Variants in TEKT5 observed in about 807,000 individuals in gnomAD.
The protein encoded by TEKT5 is tektin-5.
A neutral mutation model predicts 48.7 loss-of-function variants in TEKT5; 52 were observed. The observed-to-expected ratio is 1.07, with a 90% CI of 0.86 to 1.35. The LOEUF (loss-of-function observed/expected upper bound fraction) is 1.35. TEKT5 is among the 40% of genes most tolerant of loss of function. The pLI, the probability that TEKT5 is intolerant of heterozygous loss-of-function variation, is 0.00. For missense variants in TEKT5, 831 were observed against 641.6 expected (o/e 1.30, Z -3.19); for synonymous variants, 318 against 267.6 (o/e 1.19, Z -1.84).
At chr16:10,690,130 G>C (rs1220905402) in intron 1 of TEKT5, 105 bp from the exon 2 acceptor site, 2 of 1,247,582 alleles carry the variant, frequency 1.6e-6, no homozygotes, top group African/African-American at 3.0e-5. Flanking sequence ...CTTTCTCCCG[G>C]AAACCTGGGT....
intron 3 of TEKT5, among the ~76,000 whole-genome samples, chr16:10,687,646 G>A (rs1363796795): frequency 6.6e-6 from 1 of 152,196 alleles, no homozygotes; most frequent in Non-Finnish European, 1.5e-5. Flanking sequence ...CCAGCTACTC[G>A]GGAGGCTGAG....
intron 3 of TEKT5, among the ~76,000 whole-genome samples, chr16:10,683,208 G>A (rs1187666619): frequency 1.3e-5 from 2 of 152,090 alleles, no homozygotes; most frequent in East Asian, 1.9e-4. Context: ...ATTCCAAGCC[G>A]ACAACATCAC....
chr16:10,653,913 CAAAACA>C (rs200359471), intron 5 of TEKT5, among the ~76,000 whole-genome samples: 25 of 151,972 alleles, frequency 1.6e-4, no homozygotes, highest in Admixed American at 2.0e-4. Context: ...AACTCTGTCT[CAAAACA>C]AAAACAAAAA....
chr16:10,658,182 T>C (rs755748404), intron 5 of TEKT5, among the ~76,000 whole-genome samples: 1 of 152,182 alleles, frequency 6.6e-6, no homozygotes, highest in Non-Finnish European at 1.5e-5. Flanking sequence ...AAGTCAATAT[T>C]TGTCAACCTC....
intron 4 of TEKT5, among the ~76,000 whole-genome samples, chr16:10,680,891 G>A (rs956320282): frequency 1.3e-5 from 2 of 149,500 alleles, no homozygotes; most frequent in African/African-American, 2.5e-5. Flanking sequence ...GATAGCATTA[G>A]GAGATATACC....
intron 5 of TEKT5, among the ~76,000 whole-genome samples, chr16:10,663,820 G>A (rs1357318250): frequency 6.6e-6 from 1 of 152,182 alleles, no homozygotes; most frequent in Non-Finnish European, 1.5e-5. Flanking sequence ...TGCCAGTGGG[G>A]TGCAAATTCA....
chr16:10,685,560 G>T (rs147827033), intron 3 of TEKT5, among the ~76,000 whole-genome samples: 170 of 152,224 alleles, frequency 1.1e-3, no homozygotes, highest in African/African-American at 3.8e-3. Context: ...GCCTCCCAAA[G>T]TGCTGGGATT....
rs556562067 is a variant in TEKT5, at chr16:10,657,420, G to A, written c.1086+18539C>T. On this transcript the variant is annotated intron_variant, in intron 5 of 6. Transcript: ENST00000283025. The stretch of plus-strand genomic sequence containing the variant: ...TAGGATTACAGGCATGAGCCACCAT[G>A]CCCGGCCTAGAGCTGCTTTTAAACA... 1.3e-5 allele frequency among the ~76,000 whole-genome samples: 2 copies of A among 152,090 alleles called. 1 individual carries two copies. The highest frequency in any genetic ancestry group is 4.1e-4 in the South Asian group (2 of 4,828).
At chr16:10,630,471 G>C (rs1897823652) in intron 6 of TEKT5, among the ~76,000 whole-genome samples, 1 of 152,178 alleles carries the variant, frequency 6.6e-6, no homozygotes, top group Non-Finnish European at 1.5e-5. Flanking sequence ...AAACTCCTGG[G>C]CTTAAGTGAT....
In TEKT5 at chr16:10,694,568, C is replaced by T. The variant is rs766520945; in HGVS notation, c.306G>A (p.Val102=). The T allele has an allele frequency of 4.4e-6, 7 of 1,602,754 alleles. No individual in the cohort carries two copies. In the Admixed American group the frequency reaches 6.8e-5, roughly 16 times the overall value. ...HDWDQSNQLQ[V]RGAEASRLWA... ...ACAGCCGGGAGGCCTCGGCCCCACG[C>T]ACCTGCAGCTGGTTGGACTGGTCCC... Residue 102 remains valine, a synonymous_variant, in exon 1 of 7, where the codon GTG becomes GTA. Transcript: ENST00000283025.
At chr16:10,690,538 T>C (rs1246789525) in intron 1 of TEKT5, 2 of 979,862 alleles carry the variant, frequency 2.0e-6, no homozygotes, top group Admixed American at 6.2e-5. Flanking sequence ...AGGTTCATTG[T>C]GCAGGTGAAG....
At chr16:10,674,681 T>C (rs1233379690) in intron 5 of TEKT5, among the ~76,000 whole-genome samples, 1 of 151,300 alleles carries the variant, frequency 6.6e-6, no homozygotes, top group African/African-American at 2.4e-5. Context: ...TATTTATTTA[T>C]TTTATTGTCT....
At chr16:10,658,661 A>G (rs1440815587) in intron 5 of TEKT5, among the ~76,000 whole-genome samples, 1 of 152,096 alleles carries the variant, frequency 6.6e-6, no homozygotes, top group Non-Finnish European at 1.5e-5. Flanking sequence ...GATCTGGAAC[A>G]GGGTTTCCCA....
chr16:10,656,891 C>G lies in TEKT5; in HGVS notation c.1086+19068G>C, dbSNP rs551500393. 5.3e-5 allele frequency among the ~76,000 whole-genome samples: 8 copies of G among 151,860 alleles called. No individual in the cohort carries two copies. In the East Asian group the frequency reaches 1.6e-3, roughly 30 times the overall value. ...GAGTAGCTGGGACTACAGATGCACA[C>G]CACCATGCCTGGCTAATTTATTATT... is the stretch of plus-strand genomic sequence containing the variant. On this transcript the variant is annotated intron_variant, in intron 5 of 6. Coordinates refer to ENST00000283025, the MANE Select transcript of TEKT5 (RefSeq NM_144674.2).
intron 5 of TEKT5, among the ~76,000 whole-genome samples, chr16:10,637,170 G>A (rs1248283613): frequency 4.0e-5 from 6 of 151,648 alleles, no homozygotes; most frequent in African/African-American, 1.5e-4. Flanking sequence ...ATTTTTAGTA[G>A]AGACGGGGTT....
chr16:10,631,854 T>C (rs1365967852), intron 6 of TEKT5, among the ~76,000 whole-genome samples: 2 of 152,174 alleles, frequency 1.3e-5, no homozygotes, highest in Non-Finnish European at 2.9e-5. Flanking sequence ...GCAACCTTGA[T>C]TTGGGACTTC....
At chr16:10,691,405 T>G (rs1898973441) in intron 1 of TEKT5, 1 of 151,806 alleles carries the variant, frequency 6.6e-6, no homozygotes, top group Non-Finnish European at 1.5e-5. Flanking sequence ...GTGAGGTGAG[T>G]GGGTGAGGAG....
At position 10,653,518 on chromosome 16, in the gene TEKT5, C is replaced by G. The variant is rs371671942; in HGVS notation, c.1087-17600G>C. Among the ~76,000 whole-genome samples the G allele has an allele frequency of 2.1e-3, 319 of 152,352 alleles. 3 individuals are homozygous for G. Among genetic ancestry groups the G allele is most frequent in the African/African-American group, 7.1e-3 (295 of 41,598 alleles). ...TGACCTTGCATGGATCACAACCTCT[C>G]TGTGCCTCATGCAATATGCATTCAA... is the stretch of plus-strand genomic sequence containing the variant. On this transcript the variant is annotated intron_variant, in intron 5 of 6. Transcript: ENST00000283025.
chr16:10,642,393 T>TC (rs970958268), intron 5 of TEKT5, among the ~76,000 whole-genome samples: 6 of 151,920 alleles, frequency 3.9e-5, no homozygotes, highest in African/African-American at 1.2e-4. Context: ...ACAGTCCCTC[T>TC]CCCCCAGAGC....
Sources: allele counts gnomAD v4.1 joint callset (sites outside exome capture counted in the v4.1 genomes callset), GRCh38; gene constraint gnomAD v4.1.1; transcripts MANE v1.5; gene names NCBI Gene and HGNC (gene_info 2026-07-23, HGNC 2026-07-21).